The following JAZF1 variants were observed in gnomAD, a reference collection of about 807,000 sequenced individuals.
JAZF1 encodes the protein juxtaposed with another zinc finger protein 1.
In JAZF1, 8 loss-of-function variants were observed where a neutral mutation model predicts 26.4. That is an observed-to-expected ratio of 0.30 (90% CI 0.18 to 0.55). The LOEUF is 0.55. Among genes scored for constraint, JAZF1 ranks in the 20% least tolerant of loss-of-function variants. The pLI is 0.94. For synonymous variants in JAZF1, 126 were observed against 122.3 expected, an observed-to-expected ratio of 1.03 and a Z score of -0.20; for missense variants, 199 against 322.0, an observed-to-expected ratio of 0.62 and a Z score of 2.92.
At chr7:27,990,788 T>C (rs1785884087) in intron 2 of JAZF1, among the ~76,000 whole-genome samples, 1 of 152,114 alleles carries the variant, frequency 6.6e-6, no homozygotes, top group African/African-American at 2.4e-5. Flanking sequence ...CCCAGAAAAG[T>C]GTATGTCTTT....
At chr7:28,112,776 A>G (rs1784682760) in intron 1 of JAZF1, among the ~76,000 whole-genome samples, 1 of 152,208 alleles carries the variant, frequency 6.6e-6, no homozygotes, top group African/African-American at 2.4e-5. Flanking sequence ...TGAGGCAAAG[A>G]AGGCTGACCG....
intron 3 of JAZF1, among the ~76,000 whole-genome samples, chr7:27,857,489 C>T (rs936901917): frequency 2.0e-5 from 3 of 152,202 alleles, no homozygotes; most frequent in Non-Finnish European, 4.4e-5. Flanking sequence ...AGGACTCAAG[C>T]GCGGCCAGAG....
chr7:27,987,384 G>A lies in JAZF1; in HGVS notation c.188+4525C>T, dbSNP rs533856241. On this transcript the variant is annotated intron_variant, in intron 2 of 4. Transcript: ENST00000283928. Reference sequence around the variant, plus strand: ...AGGTGAGGAGCGTCTCTGCCCGGCCGCCCCGTCTGAGAAGTGAGGAGCCCC... The same window carrying A: ...AGGTGAGGAGCGTCTCTGCCCGGCCACCCCGTCTGAGAAGTGAGGAGCCCC... 7.2e-3 allele frequency among the ~76,000 whole-genome samples: 1,085 copies of A among 151,318 alleles called. 18 individuals carry two copies. The highest frequency in any genetic ancestry group is 0.025 in the African/African-American group (1,034 of 41,144).
Position 28,001,484 on chromosome 7 carries a change from G to A in JAZF1, c.116-9503C>T, listed in dbSNP as rs139590860. ...CTAGAAACAAAACATGACTCTCTGT[G>A]CAACTGAGAGGAACTTCTTGAAAGA... On this transcript the variant is annotated intron_variant, in intron 1 of 4. Transcript: ENST00000283928. Among the ~76,000 whole-genome samples the A allele has an allele frequency of 3.4e-3, 511 of 152,338 alleles. 1 individual carries two copies. The highest frequency in any genetic ancestry group is 0.011 in the African/African-American group (466 of 41,584).
rs143259976 is a variant in JAZF1, at chr7:27,962,839, T to A, written c.188+29070A>T. ...AATTTCCCCTGATATTCTAGGGAAT[T>A]TGAACTTTGGCCCTTGCTGTGGAAT... On this transcript the variant is annotated intron_variant, in intron 2 of 4. Transcript: ENST00000283928. Among the ~76,000 whole-genome samples, 288 of 152,330 alleles carry A rather than the reference T, an allele frequency of 1.9e-3. 1 individual carries two copies. Among genetic ancestry groups the A allele is most frequent in the East Asian group, 0.015 (76 of 5,184 alleles).
chr7:27,942,113 C>T (rs1479449770), intron 2 of JAZF1, among the ~76,000 whole-genome samples: 1 of 152,236 alleles, frequency 6.6e-6, no homozygotes, highest in Non-Finnish European at 1.5e-5. Flanking sequence ...AGAGTGCTAT[C>T]ACATAGAAGG....
chr7:27,853,670 T>C (rs139549113), intron 3 of JAZF1, among the ~76,000 whole-genome samples: 5 of 152,366 alleles, frequency 3.3e-5, no homozygotes, highest in Admixed American at 3.3e-4. Flanking sequence ...TCAGTTTCCA[T>C]GTAGTTGTAC....
At position 27,879,400 on chromosome 7, in the gene JAZF1, C is replaced by G. The variant is rs372315316; in HGVS notation, c.385+15820G>C. Reference sequence around the variant, plus strand: ...ACCTCAGACTTATTAACACCATGCTCCTATCACCTGAGCTCCAGTTTGCAA... The same window carrying G: ...ACCTCAGACTTATTAACACCATGCTGCTATCACCTGAGCTCCAGTTTGCAA... On this transcript the variant is annotated intron_variant, in intron 3 of 4. Transcript: ENST00000283928. 7.1e-4 allele frequency among the ~76,000 whole-genome samples: 108 copies of G among 152,272 alleles called. No homozygotes were observed. The South Asian group carries it at 8.5e-3, about 12-fold the overall frequency.
At chr7:27,964,651 T>A (rs554250929) in intron 2 of JAZF1, among the ~76,000 whole-genome samples, 93 of 151,440 alleles carry the variant, frequency 6.1e-4, no homozygotes, top group South Asian at 1.7e-3. Context: ...TTTTTTTTTT[T>A]AAAATGGCTG....
intron 3 of JAZF1, among the ~76,000 whole-genome samples, chr7:27,891,358 T>C (rs1034644417): frequency 6.6e-6 from 1 of 152,212 alleles, no homozygotes; most frequent in African/African-American, 2.4e-5. Context: ...ACAGAGACCC[T>C]GTGGCCTGCA....
chr7:27,842,281 C>G (rs534732552), intron 3 of JAZF1: 2 of 152,156 alleles, frequency 1.3e-5, no homozygotes, highest in African/African-American at 4.8e-5. Context: ...GTTATACACA[C>G]GAGCAACTGA....
At chr7:28,103,857 CAG>C (rs1784511165) in intron 1 of JAZF1, among the ~76,000 whole-genome samples, 1 of 152,176 alleles carries the variant, frequency 6.6e-6, no homozygotes, top group Non-Finnish European at 1.5e-5. Flanking sequence ...ACACTGCAGC[CAG>C]AGTCACACTA....
At chr7:27,842,026 A>G (rs1368522994) in intron 3 of JAZF1, 1 of 152,066 alleles carries the variant, frequency 6.6e-6, no homozygotes, top group East Asian at 1.9e-4. Context: ...TGCTACATCA[A>G]TTATTTCAAC....
chr7:27,876,979 C>T lies in JAZF1; in HGVS notation c.385+18241G>A, dbSNP rs1562515716. 3.9e-5 allele frequency among the ~76,000 whole-genome samples: 6 copies of T among 152,284 alleles called. No homozygotes were observed. The South Asian group carries it at 1.0e-3, about 26-fold the overall frequency. The stretch of plus-strand genomic sequence containing the variant: ...ACTTTATGGGGTTGTATGGTCTAGA[C>T]AAGAGGGTTACTCTTTGGTGAAATT... On this transcript the variant is annotated intron_variant, in intron 3 of 4. Coordinates refer to ENST00000283928, the MANE Select transcript of JAZF1 (RefSeq NM_175061.4).
intron 1 of JAZF1, among the ~76,000 whole-genome samples, chr7:27,997,007 C>T (rs1332475005): frequency 2.6e-5 from 4 of 152,074 alleles, no homozygotes; most frequent in Non-Finnish European, 5.9e-5. Flanking sequence ...AAAAACTAAC[C>T]AAGGATAGAA....
At chr7:28,102,836 T>C (rs79723824) in intron 1 of JAZF1, among the ~76,000 whole-genome samples, 2,736 of 152,232 alleles carry the variant, frequency 0.018, 82 homozygotes, top group African/African-American at 0.063. Flanking sequence ...TGCTAAAATA[T>C]CAGAACTAGT....
At chr7:28,038,287 G>A (rs963973795) in intron 1 of JAZF1, among the ~76,000 whole-genome samples, 4 of 152,286 alleles carry the variant, frequency 2.6e-5, no homozygotes, top group African/African-American at 9.6e-5. Context: ...AATGATTGTG[G>A]CAAATAGCTT....
At chr7:28,128,906 G>A (rs1451640151) in intron 1 of JAZF1, among the ~76,000 whole-genome samples, 1 of 152,174 alleles carries the variant, frequency 6.6e-6, no homozygotes, top group African/African-American at 2.4e-5. Context: ...TGCTGATTTA[G>A]TGATTTCTTA....
chr7:28,168,682 T>C (rs1012371866), intron 1 of JAZF1, among the ~76,000 whole-genome samples: 1 of 152,222 alleles, frequency 6.6e-6, no homozygotes, highest in African/African-American at 2.4e-5. Flanking sequence ...GTACTCTAAC[T>C]ACATAGCTGA....
Sources: allele counts gnomAD v4.1 joint callset (sites outside exome capture counted in the v4.1 genomes callset), GRCh38; gene constraint gnomAD v4.1.1; transcripts MANE v1.5; gene names NCBI Gene and HGNC (gene_info 2026-07-23, HGNC 2026-07-21).